The following TAFA5 variants were observed in gnomAD, a reference collection of about 807,000 sequenced individuals.
The protein encoded by TAFA5 is chemokine-like protein TAFA-5.
TAFA5 carries 6 observed loss-of-function variants against 15.3 expected under a neutral mutation model. The observed-to-expected ratio is 0.39, with a 90% confidence interval of 0.21 to 0.77. The LOEUF (loss-of-function observed/expected upper bound fraction) is 0.77, where lower values mean the gene tolerates loss of function less well. TAFA5 is among the 30% of genes least tolerant of loss of function. The pLI, the probability that TAFA5 is intolerant of heterozygous loss-of-function variation, is 0.41. For missense variants in TAFA5, 161 were observed against 193.1 expected (o/e 0.83, Z 0.98); for synonymous variants, 103 against 80.7 (o/e 1.28, Z -1.48).
chr22:48,538,784 G>T (rs747399547), intron 1 of TAFA5: 2 of 152,354 alleles, frequency 1.3e-5, no homozygotes, highest in Non-Finnish European at 2.9e-5. Context: ...CATCCCACTG[G>T]CCAAGTAAGT....
intron 1 of TAFA5, among the ~76,000 whole-genome samples, chr22:48,557,153 G>T (rs1173691440): frequency 2.0e-5 from 3 of 152,166 alleles, no homozygotes; most frequent in African/African-American, 7.2e-5. Flanking sequence ...CCCAAAATCC[G>T]TATGTTGATG....
intron 2 of TAFA5, among the ~76,000 whole-genome samples, chr22:48,696,865 C>T (rs768116848): frequency 6.6e-6 from 1 of 152,232 alleles, no homozygotes; most frequent in Admixed American, 6.5e-5. Flanking sequence ...ACAGCACAGT[C>T]GCGCAAAGGC....
intron 3 of TAFA5, among the ~76,000 whole-genome samples, chr22:48,738,890 C>T (rs975950404): frequency 4.6e-5 from 7 of 152,182 alleles, no homozygotes; most frequent in African/African-American, 1.2e-4. Context: ...CAAGATGGGA[C>T]GCTGCCTTCA....
chr22:48,640,592 C>A lies in TAFA5; in HGVS notation c.113-6005C>A, dbSNP rs183057939. Among the ~76,000 whole-genome samples, 27 of 149,364 alleles carry A rather than the reference C, an allele frequency of 1.8e-4. No individual in the cohort carries two copies. The East Asian group carries it at 5.2e-3, about 29-fold the overall frequency. On this transcript the variant is annotated intron_variant, in intron 1 of 3. Coordinates refer to ENST00000402357, the MANE Select transcript of TAFA5 (RefSeq NM_001082967.3). Reference sequence around the variant, plus strand: ...GGCTGTGGGTGATGAGAGGCGTTTACCCCGGGGCCATTTCTTGCAGAGGCT... The same window carrying A: ...GGCTGTGGGTGATGAGAGGCGTTTAACCCGGGGCCATTTCTTGCAGAGGCT...
intron 1 of TAFA5, among the ~76,000 whole-genome samples, chr22:48,637,309 G>T (rs1304175022): frequency 6.7e-6 from 1 of 150,230 alleles, no homozygotes; most frequent in Non-Finnish European, 1.5e-5. Flanking sequence ...TGAGCTCATG[G>T]TGGCATGTGC....
intron 2 of TAFA5, among the ~76,000 whole-genome samples, chr22:48,664,645 C>T (rs1015159650): frequency 6.6e-6 from 1 of 152,218 alleles, no homozygotes; most frequent in African/African-American, 2.4e-5. Flanking sequence ...AGAGCCCTAA[C>T]TTCTGTCACT....
At position 48,646,733 on chromosome 22, in the gene TAFA5, C is replaced by T. The variant is rs552106044; in HGVS notation, c.249C>T (p.Pro83=). 1.1e-4 allele frequency: 177 copies of T among 1,583,052 alleles called. No individual in the cohort carries two copies. In the East Asian group the frequency reaches 3.7e-3, roughly 33 times the overall value. ...GQIAGTTRAR[P]ACVDARIIKT... ...TCGCCGGCACCACGAGAGCCCGGCCCGCCTGTGTGGACGGTAAGCACCCGT... is the reference window on the plus strand; with the variant it reads ...TCGCCGGCACCACGAGAGCCCGGCCTGCCTGTGTGGACGGTAAGCACCCGT... Residue 83 remains proline, a synonymous_variant, in exon 2 of 4, where the codon CCC becomes CCT. Transcript: ENST00000402357.
At chr22:48,523,081 G>C (rs938236977) in intron 1 of TAFA5, among the ~76,000 whole-genome samples, 1 of 152,206 alleles carries the variant, frequency 6.6e-6, no homozygotes, top group Non-Finnish European at 1.5e-5. Context: ...AGGCTGGATG[G>C]GGGCGGCCAG....
intron 1 of TAFA5, among the ~76,000 whole-genome samples, chr22:48,606,146 G>C (rs1007184874): frequency 6.6e-6 from 1 of 152,160 alleles, no homozygotes; most frequent in African/African-American, 2.4e-5. Context: ...GCAGGGCTCC[G>C]CTCTCCTCCA....
At chr22:48,644,735 G>A (rs933326234) in intron 1 of TAFA5, among the ~76,000 whole-genome samples, 1 of 152,212 alleles carries the variant, frequency 6.6e-6, no homozygotes, top group Non-Finnish European at 1.5e-5. Context: ...GAAAAAGTGG[G>A]ATGGATAAGG....
rs375017205 is a variant in TAFA5 at position 48,608,429 on chromosome 22, G to GT, written c.113-38158dup. Among the ~76,000 whole-genome samples, 41 of 149,592 alleles carry GT rather than the reference G, an allele frequency of 2.7e-4. 1 individual carries two copies. Among genetic ancestry groups the GT allele is most frequent in the East Asian group, 7.8e-4 (4 of 5,096 alleles). ...CACTCATGAACACGTGATACTGTTG[G>GT]TTTTTTTTTTCCTGGGAGCCTCTCT... On this transcript the variant is annotated intron_variant, in intron 1 of 3. Transcript: ENST00000402357.
intron 3 of TAFA5, among the ~76,000 whole-genome samples, chr22:48,741,620 G>A (rs959079674): frequency 5.9e-5 from 9 of 151,552 alleles, no homozygotes; most frequent in African/African-American, 9.8e-5. Flanking sequence ...CCTGATTCAA[G>A]AGAACCCTGT....
chr22:48,581,559 G>A (rs1369759835), intron 1 of TAFA5, among the ~76,000 whole-genome samples: 1 of 152,216 alleles, frequency 6.6e-6, no homozygotes, highest in Non-Finnish European at 1.5e-5. Context: ...GGCCACTGGC[G>A]AGGCCGTGTC....
At chr22:48,730,898 G>A (rs992855726) in intron 3 of TAFA5, among the ~76,000 whole-genome samples, 1 of 151,970 alleles carries the variant, frequency 6.6e-6, no homozygotes, top group African/African-American at 2.4e-5. Context: ...TCAAGTGAAA[G>A]GAAGAGGCGT....
chr22:48,553,541 C>T (rs1476553682), intron 1 of TAFA5, among the ~76,000 whole-genome samples: 6 of 152,158 alleles, frequency 3.9e-5, no homozygotes, highest in Admixed American at 6.5e-5. Flanking sequence ...GGTGAGGAGG[C>T]GTCCCAGGGA....
At chr22:48,506,582 G>A (rs548621185) in intron 1 of TAFA5, among the ~76,000 whole-genome samples, 5 of 152,266 alleles carry the variant, frequency 3.3e-5, no homozygotes, top group East Asian at 3.9e-4. Flanking sequence ...CCACCGTTCC[G>A]TAGCTATGGC....
intron 1 of TAFA5, among the ~76,000 whole-genome samples, chr22:48,597,165 A>G (rs1924794859): frequency 6.6e-6 from 1 of 152,198 alleles, no homozygotes; most frequent in Admixed American, 6.5e-5. Context: ...CTCGTGAACC[A>G]CCATTGATGG....
intron 3 of TAFA5, among the ~76,000 whole-genome samples, chr22:48,732,925 T>A (rs1487087391): frequency 1.3e-5 from 2 of 152,206 alleles, no homozygotes; most frequent in Non-Finnish European, 2.9e-5. Context: ...GCTCAGATGA[T>A]CCTTAGCATT....
intron 1 of TAFA5, among the ~76,000 whole-genome samples, chr22:48,510,323 A>G (rs571669337): frequency 1.6e-4 from 25 of 152,342 alleles, no homozygotes; most frequent in African/African-American, 5.8e-4. Flanking sequence ...GAATATATTC[A>G]TACAAGGAAC....
Sources: gnomAD v4.1 joint callset for allele counts (sites outside exome capture counted in the v4.1 genomes callset) on GRCh38, gnomAD v4.1.1 for gene constraint, MANE v1.5 for transcripts, NCBI Gene and HGNC (gene_info 2026-07-23, HGNC 2026-07-21) for gene names.